The following QKI variants were observed in gnomAD, a reference collection of about 807,000 sequenced individuals.
The protein encoded by QKI is QKI, KH domain containing RNA binding.
QKI carries 10 observed loss-of-function variants against 39.0 expected under a neutral mutation model. The observed-to-expected ratio is 0.26, with a 90% CI of 0.16 to 0.43. The LOEUF (loss-of-function observed/expected upper bound fraction) is 0.43. Among genes scored for constraint, QKI ranks in the 20% least tolerant of loss-of-function variants. The pLI, the probability that QKI is intolerant of heterozygous loss-of-function variation, is 1.00. For synonymous variants in QKI, 204 were observed against 155.4 expected (o/e 1.31, Z -2.33); for missense variants, 218 against 428.0 (o/e 0.51, Z 4.33).
At chr6:163,536,700 A>G (rs1781232110) in intron 4 of QKI, among the ~76,000 whole-genome samples, 1 of 117,634 alleles carries the variant, frequency 8.5e-6, no homozygotes. Flanking sequence ...AAATTGAAAA[A>G]TAAATGATTG....
At chr6:163,566,476 G>C in intron 6 of QKI, 1 of 1,329,994 alleles carries the variant, frequency 7.5e-7, no homozygotes, top group Non-Finnish European at 9.6e-7. Flanking sequence ...ACTGTAACTT[G>C]GGGATTGTAA....
chr6:163,476,277 GTT>G (rs778589025), intron 2 of QKI, among the ~76,000 whole-genome samples: 1 of 136,604 alleles, frequency 7.3e-6, no homozygotes. Flanking sequence ...ATGTACTAAA[GTT>G]TTTTTTTTTT....
At chr6:163,566,019 C>A in intron 6 of QKI, 1 of 1,602,180 alleles carries the variant, frequency 6.2e-7, no homozygotes, top group Non-Finnish European at 8.5e-7. Flanking sequence ...CTGAATTTAA[C>A]AAATGCTTAG....
At chr6:163,450,851 C>T (rs1361809586) in intron 1 of QKI, among the ~76,000 whole-genome samples, 1 of 152,100 alleles carries the variant, frequency 6.6e-6, no homozygotes, top group East Asian at 1.9e-4. Flanking sequence ...ATGGCATAAC[C>T]TGTAGATTCC....
intron 1 of QKI, among the ~76,000 whole-genome samples, chr6:163,421,673 A>G (rs1230769473): frequency 1.3e-5 from 2 of 152,202 alleles, no homozygotes; most frequent in African/African-American, 4.8e-5. Flanking sequence ...TTTTAATTTT[A>G]AACAGTGCCA....
intron 1 of QKI, among the ~76,000 whole-genome samples, chr6:163,440,717 A>AT (rs1333763969): frequency 6.6e-6 from 1 of 152,130 alleles, no homozygotes; most frequent in Non-Finnish European, 1.5e-5. Context: ...GTTTTTGTTC[A>AT]TTTAGTTTGT....
At chr6:163,530,225 G>A (rs1045523642) in intron 3 of QKI, among the ~76,000 whole-genome samples, 17 of 152,206 alleles carry the variant, frequency 1.1e-4, no homozygotes, top group Middle Eastern at 6.8e-3. Context: ...CGAATGCCTC[G>A]TAGAACACAG....
At chr6:163,566,585 A>G in intron 6 of QKI, 136 bp from the exon 7 acceptor site, 3 of 1,522,828 alleles carry the variant, frequency 2.0e-6, no homozygotes, top group Non-Finnish European at 2.6e-6. Flanking sequence ...TTTTAAAACT[A>G]CTGTGCCTTA....
At chr6:163,437,298 G>A (rs1053570600) in intron 1 of QKI, among the ~76,000 whole-genome samples, 3 of 152,162 alleles carry the variant, frequency 2.0e-5, no homozygotes, top group Admixed American at 1.3e-4. Context: ...TACAAGTGAT[G>A]TATGTATACA....
Position 163,529,407 on chromosome 6 carries a change from AAT to A in QKI, c.403-5574_403-5573del, listed in dbSNP as rs1316322527. The stretch of plus-strand genomic sequence containing the variant: ...TTTAGAGCCAGATATGTGTAAAATC[AAT>A]GTGTACATACTGTCAAGAGTATGAA... On this transcript the variant is annotated intron_variant, in intron 3 of 7. Transcript: ENST00000361752. 7.9e-5 allele frequency among the ~76,000 whole-genome samples: 12 copies of A among 152,336 alleles called. No homozygotes were observed. In the East Asian group the frequency reaches 2.3e-3, roughly 29 times the overall value.
rs1583246345 is a variant in QKI, at chr6:163,575,993, C to T, written c.*5283C>T. ...TTTTAGGTAGAATAGAACTTACTGC[C>T]AAATGATTATTTATTTAGCAAAAAT... On this transcript the variant is annotated 3_prime_UTR_variant, in exon 8 of 8. Transcript: ENST00000361752. 1 of 152,136 alleles carries T rather than the reference C, an allele frequency of 6.6e-6. No homozygotes were observed. The highest frequency in any genetic ancestry group is 2.1e-4 in the South Asian group (1 of 4,824). The allele number at this position is 152,136 out of a possible 1,614,324, so 9.4% of individuals were successfully genotyped here.
At chr6:163,424,279 G>A (rs1788232728) in intron 1 of QKI, among the ~76,000 whole-genome samples, 1 of 152,172 alleles carries the variant, frequency 6.6e-6, no homozygotes, top group African/African-American at 2.4e-5. Flanking sequence ...TTCCACCGTG[G>A]TTGCAGTGAT....
chr6:163,495,184 G>A (rs1023090878), intron 3 of QKI, among the ~76,000 whole-genome samples: 4 of 152,044 alleles, frequency 2.6e-5, no homozygotes, highest in African/African-American at 9.7e-5. Context: ...CAAAGTGCTG[G>A]GATTACAGGC....
intron 3 of QKI, among the ~76,000 whole-genome samples, chr6:163,519,000 T>A (rs896790073): frequency 6.6e-6 from 1 of 152,208 alleles, no homozygotes; most frequent in Non-Finnish European, 1.5e-5. Flanking sequence ...TTATTTATAG[T>A]CTTTTCTTTT....
At chr6:163,446,170 C>T (rs1397533296) in intron 1 of QKI, among the ~76,000 whole-genome samples, 6 of 152,100 alleles carry the variant, frequency 3.9e-5, no homozygotes, top group African/African-American at 1.2e-4. Context: ...CCCTTTCCCC[C>T]TTGTATTTAT....
rs963859326 is a variant in QKI, at chr6:163,450,738, G to GA, written c.143-4530dup. 3.1e-3 allele frequency among the ~76,000 whole-genome samples: 442 copies of GA among 143,532 alleles called. 1 individual carries two copies. Among genetic ancestry groups the GA allele is most frequent in the Non-Finnish European group, 4.5e-3 (293 of 65,202 alleles). The allele number at this position is 143,532 out of a possible 152,430, so 94.2% of individuals were successfully genotyped here. On this transcript the variant is annotated intron_variant, in intron 1 of 7. Transcript: ENST00000361752. ...AATAGTTTTCAGCGTAGTGAAATTCGAAAAAAAAAAAGTAAATTCAAAAAA... is the reference window on the plus strand; with the variant it reads ...AATAGTTTTCAGCGTAGTGAAATTCGAAAAAAAAAAAAGTAAATTCAAAAAA...
chr6:163,468,909 T>G (rs1791978017), intron 2 of QKI, among the ~76,000 whole-genome samples: 1 of 135,972 alleles, frequency 7.4e-6, no homozygotes, highest in South Asian at 2.3e-4. Context: ...CTGTGATTAG[T>G]TTTTTTTTTT....
At chr6:163,451,207 G>A (rs1181040865) in intron 1 of QKI, among the ~76,000 whole-genome samples, 1 of 152,222 alleles carries the variant, frequency 6.6e-6, no homozygotes, top group Non-Finnish European at 1.5e-5. Context: ...CAAAATGTCA[G>A]CAGTGTGCTG....
At chr6:163,477,384 C>CA (rs1792706608) in intron 2 of QKI, among the ~76,000 whole-genome samples, 1 of 152,066 alleles carries the variant, frequency 6.6e-6, no homozygotes, top group Non-Finnish European at 1.5e-5. Flanking sequence ...TGTGTGCTCT[C>CA]AGAGTTTAAG....
Sources: allele counts gnomAD v4.1 joint callset (sites outside exome capture counted in the v4.1 genomes callset), GRCh38; gene constraint gnomAD v4.1.1; transcripts MANE v1.5; gene names NCBI Gene and HGNC (gene_info 2026-07-23, HGNC 2026-07-21).